PRKG1: variants seen among roughly 807,000 people sequenced by gnomAD.
The protein encoded by PRKG1 is cGMP-dependent protein kinase 1.
Under a neutral mutation model 88.1 loss-of-function variants are expected in PRKG1, and 35 were observed. That is an observed-to-expected ratio of 0.40 (90% confidence interval 0.30 to 0.53). The LOEUF is 0.53. PRKG1 is among the 20% of genes least tolerant of loss of function. The pLI, the probability that PRKG1 is intolerant of heterozygous loss-of-function variation, is 0.59. For synonymous variants in PRKG1, 303 were observed against 292.5 expected (o/e 1.04, Z -0.37); for missense variants, 540 against 839.8 (o/e 0.64, Z 4.41).
intron 3 of PRKG1, among the ~76,000 whole-genome samples, chr10:51,762,541 A>C (rs1365447589): frequency 6.6e-6 from 1 of 152,210 alleles, no homozygotes; most frequent in African/African-American, 2.4e-5. Flanking sequence ...TAAAATGCAA[A>C]ATGCCCTCAT....
intron 9 of PRKG1, among the ~76,000 whole-genome samples, chr10:52,174,822 T>C (rs1485161737): frequency 3.0e-4 from 45 of 152,022 alleles, no homozygotes; most frequent in Admixed American, 3.0e-3. Context: ...ATCTGCTTTA[T>C]ATGATTTTAT....
intron 2 of PRKG1, among the ~76,000 whole-genome samples, chr10:51,387,134 G>A (rs1475130691): frequency 1.3e-5 from 2 of 151,760 alleles, no homozygotes; most frequent in African/African-American, 4.8e-5. Context: ...CAATCATCTG[G>A]CACAAGGTCC....
chr10:52,148,753 G>A (rs1249349877), intron 8 of PRKG1, among the ~76,000 whole-genome samples: 2 of 152,074 alleles, frequency 1.3e-5, no homozygotes, highest in Admixed American at 6.6e-5. Flanking sequence ...ATAGCTCACC[G>A]AGGATGGGAC....
At chr10:51,609,630 C>A (rs1214507376) in intron 3 of PRKG1, among the ~76,000 whole-genome samples, 1 of 152,150 alleles carries the variant, frequency 6.6e-6, no homozygotes, top group African/African-American at 2.4e-5. Context: ...AAATGCAATA[C>A]ATATATACCA....
At chr10:52,023,077 C>T (rs191283639) in intron 5 of PRKG1, among the ~76,000 whole-genome samples, 125 of 152,252 alleles carry the variant, frequency 8.2e-4, no homozygotes, top group African/African-American at 2.9e-3. Flanking sequence ...GCCCCCCACA[C>T]CCCGACAGGT....
At chr10:51,186,060 T>G (rs1017872690) in intron 2 of PRKG1, among the ~76,000 whole-genome samples, 1 of 151,958 alleles carries the variant, frequency 6.6e-6, no homozygotes, top group Non-Finnish European at 1.5e-5. Flanking sequence ...ATGTTTTGCT[T>G]GAGTACCTGA....
intron 2 of PRKG1, among the ~76,000 whole-genome samples, chr10:51,291,867 A>G (rs1467936556): frequency 1.3e-5 from 2 of 152,288 alleles, no homozygotes; most frequent in African/African-American, 4.8e-5. Flanking sequence ...ACCCCTGACT[A>G]TAAAGTTGAA....
chr10:52,155,088 C>T (rs10733897), intron 8 of PRKG1, among the ~76,000 whole-genome samples: 98,414 of 151,888 alleles, frequency 0.65, 35,648 homozygotes, highest in South Asian at 0.83. Context: ...GTGAATTGTG[C>T]GGTTACAAAC....
At chr10:51,629,967 T>C (rs1403468161) in intron 3 of PRKG1, among the ~76,000 whole-genome samples, 1 of 152,202 alleles carries the variant, frequency 6.6e-6, no homozygotes, top group Non-Finnish European at 1.5e-5. Context: ...CAGTTTGGCT[T>C]TGATTGCGGT....
At chr10:52,145,571 G>A (rs1171484544) in intron 8 of PRKG1, among the ~76,000 whole-genome samples, 1 of 152,044 alleles carries the variant, frequency 6.6e-6, no homozygotes, top group Non-Finnish European at 1.5e-5. Flanking sequence ...GGAGGTGGAG[G>A]GCACCAGGAT....
chr10:51,254,273 T>G (rs562784265), intron 2 of PRKG1, among the ~76,000 whole-genome samples: 1 of 152,146 alleles, frequency 6.6e-6, no homozygotes, highest in South Asian at 2.1e-4. Context: ...TTTGTACACC[T>G]ATAAAGTGTT....
intron 5 of PRKG1, among the ~76,000 whole-genome samples, chr10:51,935,707 A>G (rs998538970): frequency 2.0e-5 from 3 of 152,064 alleles, no homozygotes; most frequent in Non-Finnish European, 4.4e-5. Context: ...TCCTCAAAAC[A>G]ATCACCTTAT....
chr10:51,177,941 G>T (rs2132020031), intron 2 of PRKG1, among the ~76,000 whole-genome samples: 1 of 151,978 alleles, frequency 6.6e-6, no homozygotes, highest in Non-Finnish European at 1.5e-5. Flanking sequence ...AATTTACTGT[G>T]TAAGAAAAGT....
At chr10:51,924,448 ATC>A (rs1842528496) in intron 5 of PRKG1, among the ~76,000 whole-genome samples, 2 of 151,766 alleles carry the variant, frequency 1.3e-5, no homozygotes. Context: ...TTTATTCCCT[ATC>A]TCTCTTCTTT....
At chr10:51,481,961 A>G (rs908836940) in intron 3 of PRKG1, among the ~76,000 whole-genome samples, 2 of 152,140 alleles carry the variant, frequency 1.3e-5, no homozygotes, top group Admixed American at 6.6e-5. Context: ...TTTTTAGTTC[A>G]TATACAATAA....
At chr10:51,775,063 G>C (rs1333950144) in intron 3 of PRKG1, among the ~76,000 whole-genome samples, 1 of 152,030 alleles carries the variant, frequency 6.6e-6, no homozygotes, top group African/African-American at 2.4e-5. Flanking sequence ...TTAAAAATTT[G>C]TTTCAAAAGA....
rs547664947 is a variant in PRKG1, at chr10:51,020,285, A to G, written c.266+28641A>G. The stretch of plus-strand genomic sequence containing the variant: ...TTGAGATTACAGGCATGTTGAGATT[A>G]CAGGCGTGAGCCACTGAGCCTGGTC... On this transcript the variant is annotated intron_variant, in intron 1 of 17. Transcript: ENST00000401604. 1.5e-4 allele frequency among the ~76,000 whole-genome samples: 23 copies of G among 152,334 alleles called. No homozygotes were observed. In the East Asian group the frequency reaches 3.3e-3, roughly 22 times the overall value.
At chr10:52,163,070 C>T (rs548601967) in intron 9 of PRKG1, among the ~76,000 whole-genome samples, 4 of 151,954 alleles carry the variant, frequency 2.6e-5, no homozygotes, top group East Asian at 3.9e-4. Flanking sequence ...ATAATCCCAC[C>T]GAGGTGGGAA....
intron 5 of PRKG1, among the ~76,000 whole-genome samples, chr10:51,939,425 T>C (rs1026043106): frequency 3.9e-5 from 6 of 152,058 alleles, no homozygotes; most frequent in Non-Finnish European, 2.9e-5. Context: ...AAATCCACAA[T>C]TGATTACAAC....
Sources: gnomAD v4.1 joint callset for allele counts (sites outside exome capture counted in the v4.1 genomes callset) on GRCh38, gnomAD v4.1.1 for gene constraint, MANE v1.5 for transcripts, NCBI Gene and HGNC (gene_info 2026-07-23, HGNC 2026-07-21) for gene names.